DHRS7: variants seen among roughly 807,000 people sequenced by gnomAD.
DHRS7 encodes the protein dehydrogenase/reductase 7, also known as dehydrogenase/reductase SDR family member 7.
A neutral mutation model predicts 38.9 loss-of-function variants in DHRS7; 34 were observed. The ratio of observed to expected loss-of-function variants is 0.87; its 90% CI spans 0.66 to 1.16. The LOEUF (loss-of-function observed/expected upper bound fraction) is 1.16, where lower values mean the gene tolerates loss of function less well. Among genes scored for constraint, DHRS7 ranks in the 50% most tolerant of loss-of-function variants. The pLI, the probability that DHRS7 is intolerant of heterozygous loss-of-function variation, is 0.00. For synonymous variants in DHRS7, 158 were observed against 153.1 expected (o/e 1.03, Z -0.24); for missense variants, 421 against 407.0 (o/e 1.03, Z -0.30).
intron 1 of DHRS7, among the ~76,000 whole-genome samples, 198 bp from the exon 2 acceptor site, chr14:60,156,350 A>G (rs1896661514): frequency 6.6e-6 from 1 of 152,104 alleles, no homozygotes; most frequent in South Asian, 2.1e-4. Context: ...TACAAATCAT[A>G]CTAGTAACAG....
Position 60,149,412 on chromosome 14 carries a change from C to T in DHRS7, c.913G>A (p.Ala305Thr). The T allele has an allele frequency of 1.2e-6, 2 of 1,614,166 alleles. No individual in the cohort carries two copies. Among genetic ancestry groups the T allele is most frequent in the Non-Finnish European group, 1.7e-6 (2 of 1,180,030 alleles). Residue 305 changes from alanine (A) to threonine (T), a missense_variant, in exon 6 of 7, where the codon GCC (alanine) becomes ACC (threonine). Coordinates refer to ENST00000557185, the MANE Select transcript of DHRS7 (RefSeq NM_016029.4). ...TYLWQYMPTW[A>T]WWITNKMGKK... Reference sequence around the variant, plus strand: ...CCCATCTTGTTGGTTATCCACCAGGCCCAGGTTGGCATGTATTGCCACAAA... The same window carrying T: ...CCCATCTTGTTGGTTATCCACCAGGTCCAGGTTGGCATGTATTGCCACAAA...
intron 2 of DHRS7, among the ~76,000 whole-genome samples, chr14:60,155,027 A>G (rs1896628649): frequency 6.6e-6 from 1 of 152,224 alleles, no homozygotes; most frequent in Non-Finnish European, 1.5e-5. Flanking sequence ...TTAAAGATTT[A>G]AAAGAATGAC....
At chr14:60,168,110 T>C (rs1896889606), upstream of DHRS7, among the ~76,000 whole-genome samples, 4 of 152,230 alleles carry the variant, frequency 2.6e-5, no homozygotes, top group South Asian at 4.1e-4. Flanking sequence ...TAGAGTCTTA[T>C]TTATAAGAAA....
chr14:60,165,486 C>T (rs1043770191), upstream of DHRS7: 41 of 1,330,366 alleles, frequency 3.1e-5, no homozygotes, highest in East Asian at 3.8e-4. This position sits in a 1 kb window ranked among gnomAD's most constrained non-coding sequence, Gnocchi z 4.6. Context: ...TCAGCACTCG[C>T]GGCCCCACTC....
upstream of DHRS7, among the ~76,000 whole-genome samples, chr14:60,167,040 G>A (rs1235167944): frequency 1.3e-5 from 2 of 152,162 alleles, no homozygotes; most frequent in Non-Finnish European, 2.9e-5. Flanking sequence ...GAATGAATAA[G>A]ACCTAGTATT....
At chr14:60,154,925 G>C (rs906830983) in intron 2 of DHRS7, among the ~76,000 whole-genome samples, 4 of 152,026 alleles carry the variant, frequency 2.6e-5, no homozygotes, top group Non-Finnish European at 4.4e-5. Context: ...AGAGGCCTTT[G>C]AAAGCAGTAT....
rs1479756396 is a variant in DHRS7 at position 60,145,474 on chromosome 14, G to C, written c.973-461C>G. The C allele has an allele frequency of 6.6e-6, 1 of 152,406 alleles. No individual in the cohort carries two copies. The highest frequency in any genetic ancestry group is 1.9e-4 in the East Asian group (1 of 5,218). 9.4% of individuals were successfully genotyped at this position (152,406 alleles called of 1,614,324 possible). ...GAGGTGGGCAGATCACCTGAGGTCAGGAGTTAGAGACCAGCCTGGCAAAAC... is the reference window on the plus strand; with the variant it reads ...GAGGTGGGCAGATCACCTGAGGTCACGAGTTAGAGACCAGCCTGGCAAAAC... On this transcript the variant is annotated intron_variant, in intron 6 of 6. Coordinates refer to ENST00000557185, the MANE Select transcript of DHRS7 (RefSeq NM_016029.4). The surrounding 1 kb of genome is among the most constrained non-coding windows in gnomAD (Gnocchi z 4.0).
chr14:60,160,329 CA>C (rs1264197897), intron 1 of DHRS7, among the ~76,000 whole-genome samples: 5 of 116,916 alleles, frequency 4.3e-5, no homozygotes, highest in South Asian at 3.0e-4. Context: ...AAACAAAAAA[CA>C]AAAAAAAAAC....
In DHRS7 at chr14:60,148,080, C is replaced by T. The variant is rs769690995; in HGVS notation, c.972+1273G>A. 3 of 152,204 alleles carry T rather than the reference C, an allele frequency of 2.0e-5. No homozygotes were observed. The highest frequency in any genetic ancestry group is 4.4e-5 in the Non-Finnish European group (3 of 68,038). The allele number at this position is 152,204 out of a possible 1,614,324, so 9.4% of individuals were successfully genotyped here. On this transcript the variant is annotated intron_variant, in intron 6 of 6. Coordinates refer to ENST00000557185, the MANE Select transcript of DHRS7 (RefSeq NM_016029.4). The surrounding 1 kb of genome is among the most constrained non-coding windows in gnomAD (Gnocchi z 4.8). The stretch of plus-strand genomic sequence containing the variant: ...CGAAAAGCTCCTTTTTGATTTTTCA[C>T]ACTCTGGACATTTTAGTGTGTCATG...
intron 1 of DHRS7, 104 bp from the exon 2 acceptor site, chr14:60,156,256 A>G: frequency 1.0e-6 from 1 of 979,678 alleles, no homozygotes; most frequent in South Asian, 2.8e-5. Flanking sequence ...ACCACTAAAT[A>G]TGAAGGCATG....
chr14:60,156,140 G>A lies in DHRS7; in HGVS notation c.146C>T (p.Thr49Ile). The change falls in exon 2 of 7, where the codon ACT becomes ATT. Residue 49 changes from threonine to isoleucine, a missense_variant. By Grantham distance (89) the Thr-to-Ile change is moderately conservative (BLOSUM62 -1). Transcript: ENST00000557185. ...TCCAGTCACCCACACCACCATATCA[G>A]TCAGCTCCCATTCTATGGAAGGAAT... ...WQGRRPEWEL[T>I]DMVVWVTGAS... is the part of the protein sequence containing the mutation. The A allele has an allele frequency of 6.3e-7, 1 of 1,584,840 alleles. No individual in the cohort carries two copies. Among genetic ancestry groups the A allele is most frequent in the Non-Finnish European group, 8.6e-7 (1 of 1,166,166 alleles).
chr14:60,153,266 T>C lies in DHRS7; in HGVS notation c.394-88A>G, dbSNP rs75663304. Reference sequence around the variant, plus strand: ...TCCTATGGATGGTTGGTTATTTTGTTAACTTAAAGAATCAATGGAACAATG... The same window carrying C: ...TCCTATGGATGGTTGGTTATTTTGTCAACTTAAAGAATCAATGGAACAATG... On this transcript the variant is annotated intron_variant, in intron 3 of 6. Transcript: ENST00000557185. The surrounding 1 kb of genome is among the most constrained non-coding windows in gnomAD (Gnocchi z 4.4). The C allele has an allele frequency of 4.0e-3, 5,868 of 1,450,302 alleles. 250 individuals are homozygous for C. In the East Asian group the frequency reaches 0.087, roughly 22 times the overall value. 89.8% of individuals were successfully genotyped at this position (1,450,302 alleles called of 1,614,324 possible).
rs759548011 is a variant in DHRS7, at chr14:60,153,103, T to G, written c.469A>C (p.Lys157Gln). The G allele has an allele frequency of 1.2e-6, 2 of 1,614,202 alleles. No homozygotes were observed. Among genetic ancestry groups the G allele is most frequent in the Admixed American group, 3.3e-5 (2 of 60,034 alleles). Residue 157 changes from lysine to glutamine, a missense_variant, in exon 4 of 7, where the codon AAG becomes CAG. Physicochemically the swap from Lys to Gln is moderately conservative, Grantham distance 53. Transcript: ENST00000557185. This position sits in a 1 kb window ranked among gnomAD's most constrained non-coding sequence, Gnocchi z 4.4. ...CMDTSLDVYRKLIELNYLGTV... is the reference protein window; with the variant it reads ...CMDTSLDVYRQLIELNYLGTV... ...CCTAAGTAGTTAAGCTCTATTAGCT[T>G]TCTGTAGACATCCAAGCTGGTATCC...
rs1595195074 is a variant in DHRS7 at position 60,153,957 on chromosome 14, A to C, written c.393+2T>G. Reference sequence around the variant, plus strand: ...ACTATATCAATATAAGATGCTACTTACTCTACCAAACTCCTGGAGAACAGC... The same window carrying C: ...ACTATATCAATATAAGATGCTACTTCCTCTACCAAACTCCTGGAGAACAGC... On this transcript the variant is annotated splice_donor_variant, in intron 3 of 6. Transcript: ENST00000557185. LOFTEE classifies it high-confidence loss of function. This position sits in a 1 kb window ranked among gnomAD's most constrained non-coding sequence, Gnocchi z 4.4. 6.2e-7 allele frequency: 1 copy of C among 1,612,496 alleles called. No homozygotes were observed. Among genetic ancestry groups the C allele is most frequent in the South Asian group, 1.1e-5 (1 of 91,044 alleles).
chr14:60,149,614 A>G (rs1409494684), intron 5 of DHRS7, 46 bp from the exon 6 acceptor site: 1 of 1,489,018 alleles, frequency 6.7e-7, no homozygotes, highest in South Asian at 1.3e-5. Flanking sequence ...GCGATTTCAC[A>G]TAACTTTAAG....
intron 2 of DHRS7, 54 bp downstream of exon 2, chr14:60,155,946 A>G: frequency 7.0e-7 from 1 of 1,423,348 alleles, no homozygotes; most frequent in Admixed American, 2.6e-5. Flanking sequence ...ACTGTATTTG[A>G]GTTTGGACTG....
At chr14:60,164,305 C>A (rs556500292) in intron 1 of DHRS7, among the ~76,000 whole-genome samples, 3 of 142,344 alleles carry the variant, frequency 2.1e-5, no homozygotes, top group East Asian at 4.3e-4. Flanking sequence ...ACTATCTCTT[C>A]CAAGCAAACT....
In DHRS7 at chr14:60,162,448, G is replaced by T. The variant is rs1325969328; in HGVS notation, c.133+2729C>A. On this transcript the variant is annotated intron_variant, in intron 1 of 6. Coordinates refer to ENST00000557185, the MANE Select transcript of DHRS7 (RefSeq NM_016029.4). The surrounding 1 kb of genome is among the most constrained non-coding windows in gnomAD (Gnocchi z 4.5). Reference sequence around the variant, plus strand: ...CACAGAATTTCTCTAGACGGATACAGAGGAGGCAGGAAATGGTGGCTGCCT... The same window carrying T: ...CACAGAATTTCTCTAGACGGATACATAGGAGGCAGGAAATGGTGGCTGCCT... Among the ~76,000 whole-genome samples the T allele has an allele frequency of 6.6e-6, 1 of 152,014 alleles. No homozygotes were observed. Among genetic ancestry groups the T allele is most frequent in the Non-Finnish European group, 1.5e-5 (1 of 68,026 alleles).
chr14:60,156,203 C>T (rs1233733176), intron 1 of DHRS7, 51 bp from the exon 2 acceptor site: 1 of 1,367,190 alleles, frequency 7.3e-7, no homozygotes, highest in Non-Finnish European at 9.6e-7. Context: ...GAATTACGCT[C>T]ATAAATCCAA....
Sources: gnomAD v4.1 joint callset for allele counts (sites outside exome capture counted in the v4.1 genomes callset) on GRCh38, gnomAD v4.1.1 for gene constraint, Gnocchi (gnomAD v3.1) non-coding constraint, MANE v1.5 for transcripts, NCBI Gene and HGNC (gene_info 2026-07-23, HGNC 2026-07-21) for gene names.